The following SCYL3 variants were observed in gnomAD, a reference collection of about 807,000 sequenced individuals.
SCYL3 encodes SCY1 like pseudokinase 3, also known as protein-associating with the carboxyl-terminal domain of ezrin.
A neutral mutation model predicts 73.8 loss-of-function variants in SCYL3; 35 were observed. That is an observed-to-expected ratio of 0.47 (90% CI 0.36 to 0.63). The LOEUF is 0.63. Ranked by LOEUF, SCYL3 falls within the 20% of genes least tolerant of loss-of-function variation. SCYL3 has a pLI of 0.00. For synonymous variants in SCYL3, 277 were observed against 295.2 expected, an observed-to-expected ratio of 0.94 and a Z score of 0.63; for missense variants, 712 against 798.9, an observed-to-expected ratio of 0.89 and a Z score of 1.31.
In SCYL3 at chr1:169,854,806, T is replaced by G. The variant is rs760754172; in HGVS notation, c.1471A>C (p.Ile491Leu). The stretch of plus-strand genomic sequence containing the variant: ...CAAGGTTCTCTAGGCCAAATCTGTA[T>G]GTTGACAGTTTGATTTTCAGGCTCC... ...PEEPENQTVNIQIWPREPCDD... is the reference protein window; with the variant it reads ...PEEPENQTVNLQIWPREPCDD... The change falls in exon 12 of 13, where the codon ATA becomes CTA. Residue 491 changes from isoleucine (I) to leucine (L), a missense_variant. Around this residue, in one of 2 missense-constraint regions of SCYL3, gnomAD observed 370 missense variants for 350.8 expected, o/e 1.05. Transcript: ENST00000367771. The G allele has an allele frequency of 5.0e-5, 81 of 1,613,920 alleles. No homozygotes were observed. Among genetic ancestry groups the G allele is most frequent in the Non-Finnish European group, 6.6e-5 (78 of 1,179,940 alleles).
intron 11 of SCYL3, chr1:169,855,826 G>T: frequency 6.2e-7 from 1 of 1,613,626 alleles, no homozygotes; most frequent in Non-Finnish European, 8.5e-7. Context: ...TAGTAATCTC[G>T]CTGTATGTGC....
intron 10 of SCYL3, among the ~76,000 whole-genome samples, chr1:169,862,276 C>T (rs1336522585): frequency 2.0e-5 from 3 of 152,246 alleles, no homozygotes; most frequent in Admixed American, 1.3e-4. Context: ...TAAGAATCAT[C>T]TCATGCTCCT....
intron 2 of SCYL3, among the ~76,000 whole-genome samples, chr1:169,883,284 G>A (rs991536710): frequency 1.3e-5 from 2 of 152,162 alleles, no homozygotes; most frequent in African/African-American, 2.4e-5. Context: ...GAACTCAGAT[G>A]GTAATGCTCG....
At position 169,865,515 on chromosome 1, in the gene SCYL3, A is replaced by C. The variant is rs563818171; in HGVS notation, c.816-1007T>G. On this transcript the variant is annotated intron_variant, in intron 8 of 12. Coordinates refer to ENST00000367771, the MANE Select transcript of SCYL3 (RefSeq NM_020423.7). ...AGGACAATGCACCAACCATCTCCCC[A>C]ACTTGATTGCAGCTTCAACTGCTCC... Among the ~76,000 whole-genome samples the C allele has an allele frequency of 2.4e-4, 37 of 152,118 alleles. No individual in the cohort carries two copies. The East Asian group carries it at 6.6e-3, about 27-fold the overall frequency.
intron 9 of SCYL3, 24 bp downstream of exon 9, chr1:169,864,345 A>G (rs769823421): frequency 9.0e-5 from 145 of 1,614,000 alleles, no homozygotes; most frequent in Non-Finnish European, 1.2e-4. Flanking sequence ...TTAACTAGCA[A>G]TAACACTTTG....
intron 1 of SCYL3, among the ~76,000 whole-genome samples, chr1:169,890,136 C>G (rs114739577): frequency 0.013 from 1,945 of 152,322 alleles, 51 homozygotes; most frequent in African/African-American, 0.044. Context: ...AAGACAGTGG[C>G]TATCACAGAG....
chr1:169,875,261 T>C (rs1281649999), intron 4 of SCYL3, among the ~76,000 whole-genome samples: 3 of 152,196 alleles, frequency 2.0e-5, no homozygotes, highest in Non-Finnish European at 4.4e-5. Flanking sequence ...GAGCCACCAT[T>C]TCCGTAGGGA....
In SCYL3 at chr1:169,853,615, C is replaced by T; in HGVS notation, c.*98G>A. On this transcript the variant is annotated 3_prime_UTR_variant, in exon 13 of 13. Transcript: ENST00000367771. ...AGCTCCTGGGATGGGAAAAGCAGGC[C>T]ACTTTGGGGTTTTCTTGTCCCAAAG... The T allele has an allele frequency of 2.3e-6, 3 of 1,282,420 alleles. No homozygotes were observed. The highest frequency in any genetic ancestry group is 3.3e-6 in the Non-Finnish European group (3 of 903,578). 79.4% of individuals were successfully genotyped at this position (1,282,420 alleles called of 1,614,324 possible). A position where few individuals can be genotyped will look rare whatever the true frequency, so the allele number is the denominator to read the frequency against.
intron 10 of SCYL3, among the ~76,000 whole-genome samples, chr1:169,861,605 T>A (rs979461260): frequency 6.6e-6 from 1 of 152,188 alleles, no homozygotes; most frequent in South Asian, 2.1e-4. Flanking sequence ...ATAAAATGAT[T>A]ATTATTTTAA....
intron 4 of SCYL3, among the ~76,000 whole-genome samples, chr1:169,874,545 AAAG>A (rs144320777): frequency 0.065 from 9,912 of 152,238 alleles, 425 homozygotes; most frequent in Non-Finnish European, 0.099. Flanking sequence ...AATGGCCTAC[AAAG>A]AAGAAGAGTG....
chr1:169,885,029 G>A (rs974138882), intron 2 of SCYL3, among the ~76,000 whole-genome samples: 14 of 152,178 alleles, frequency 9.2e-5, no homozygotes, highest in African/African-American at 2.9e-4. Flanking sequence ...AACATCAGTT[G>A]AGCAAATAAA....
chr1:169,876,262 T>C (rs1660796690), intron 3 of SCYL3, among the ~76,000 whole-genome samples, 171 bp from the exon 4 acceptor site: 1 of 152,200 alleles, frequency 6.6e-6, no homozygotes, highest in Admixed American at 6.5e-5. Flanking sequence ...TAAATGGAAC[T>C]ATAACTTTAA....
In SCYL3 at chr1:169,854,780, A is replaced by T; in HGVS notation, c.1497T>A (p.Cys499Ter). Residue 499 changes from cysteine (C) to a stop codon, truncating the protein, a stop_gained, in exon 12 of 13, where the codon TGT (cysteine) becomes TGA (stop). Transcript: ENST00000367771. LOFTEE classifies it high-confidence loss of function. The part of the protein sequence containing the change: ...VNIQIWPREP[C>*]DDVKSQCTTL... ...TAGTGCACTGGGACTTGACATCATCACAAGGTTCTCTAGGCCAAATCTGTA... is the reference window on the plus strand; with the variant it reads ...TAGTGCACTGGGACTTGACATCATCTCAAGGTTCTCTAGGCCAAATCTGTA... The T allele has an allele frequency of 5.6e-6, 9 of 1,613,990 alleles. No homozygotes were observed. The highest frequency in any genetic ancestry group is 6.8e-6 in the Non-Finnish European group (8 of 1,179,940).
chr1:169,884,993 A>G (rs1012343987), intron 2 of SCYL3, among the ~76,000 whole-genome samples: 1 of 152,230 alleles, frequency 6.6e-6, no homozygotes, highest in Non-Finnish European at 1.5e-5. Context: ...CATACTTGCT[A>G]AGGGTAACTA....
intron 11 of SCYL3, among the ~76,000 whole-genome samples, chr1:169,858,405 C>T (rs1260616418): frequency 6.6e-6 from 1 of 152,202 alleles, no homozygotes; most frequent in African/African-American, 2.4e-5. Flanking sequence ...CTGCAGGGAG[C>T]TGTCATGTCC....
At chr1:169,860,189 A>G (rs1659517574) in intron 10 of SCYL3, 1 of 152,276 alleles carries the variant, frequency 6.6e-6, no homozygotes, top group African/African-American at 2.4e-5. Context: ...GAAAGGAATG[A>G]AAAACATGGC....
chr1:169,873,194 GT>G (rs1217952331), intron 5 of SCYL3, among the ~76,000 whole-genome samples: 1 of 152,124 alleles, frequency 6.6e-6, no homozygotes, highest in Non-Finnish European at 1.5e-5. Context: ...CTCCTGTGCT[GT>G]TCTGGTAATA....
chr1:169,859,234 A>T, intron 10 of SCYL3, 22 bp from the exon 11 acceptor site: 1 of 1,597,016 alleles, frequency 6.3e-7, no homozygotes, highest in Non-Finnish European at 8.5e-7. Flanking sequence ...TGAGGTAATA[A>T]GGGTTGACAA....
Position 169,853,122 on chromosome 1 carries a change from G to C in SCYL3, c.*591C>G, listed in dbSNP as rs1233410052. 1.2e-6 allele frequency: 1 copy of C among 833,408 alleles called. No individual in the cohort carries two copies. Among genetic ancestry groups the C allele is most frequent in the Non-Finnish European group, 1.9e-6 (1 of 530,042 alleles). 51.6% of individuals were successfully genotyped at this position (833,408 alleles called of 1,614,324 possible). A position where few individuals can be genotyped will look rare whatever the true frequency, so the allele number is the denominator to read the frequency against. Reference sequence around the variant, plus strand: ...AAATAATCTTTATTTGACATTTAGAGAACAGGATTGTGGGGAATATTCTTA... The same window carrying C: ...AAATAATCTTTATTTGACATTTAGACAACAGGATTGTGGGGAATATTCTTA... On this transcript the variant is annotated 3_prime_UTR_variant, in exon 13 of 13. Coordinates refer to ENST00000367771, the MANE Select transcript of SCYL3 (RefSeq NM_020423.7).
Sources: allele counts gnomAD v4.1 joint callset (sites outside exome capture counted in the v4.1 genomes callset), GRCh38; gene constraint gnomAD v4.1.1; regional missense constraint gnomAD v4.1.1; transcripts MANE v1.5; gene names NCBI Gene and HGNC (gene_info 2026-07-23, HGNC 2026-07-21).